Variants in PTPRD observed in about 807,000 individuals in gnomAD.
PTPRD encodes receptor-type tyrosine-protein phosphatase delta.
Under a neutral mutation model 214.5 loss-of-function variants are expected in PTPRD, and 34 were observed. That is an observed-to-expected ratio of 0.16 (90% confidence interval 0.12 to 0.21). PTPRD has a LOEUF of 0.21. PTPRD is among the 10% of genes least tolerant of loss of function. PTPRD has a pLI of 1.00. For missense variants in PTPRD, 2,545 were observed against 2,398.7 expected (o/e 1.06, Z -1.27); for synonymous variants, 1,128 against 845.7 (o/e 1.33, Z -5.79).
chr9:8,507,557 C>A, intron 21 of PTPRD, 123 bp from the exon 22 acceptor site: 7 of 1,186,470 alleles, frequency 5.9e-6, no homozygotes, highest in Non-Finnish European at 7.2e-6. Flanking sequence ...TAGTGGAAAA[C>A]AAGCTCCTTT....
intron 11 of PTPRD, among the ~76,000 whole-genome samples, chr9:8,933,363 T>TC (rs2098967754): frequency 6.8e-6 from 1 of 147,316 alleles, no homozygotes; most frequent in African/African-American, 2.5e-5. Context: ...TTTTTTTTTT[T>TC]ACATAAAAGG....
intron 14 of PTPRD, among the ~76,000 whole-genome samples, chr9:8,546,681 G>A (rs1053792325): frequency 6.6e-6 from 1 of 151,946 alleles, no homozygotes; most frequent in Non-Finnish European, 1.5e-5. Context: ...TGTATTTTTA[G>A]TAGAGATGGG....
intron 2 of PTPRD, among the ~76,000 whole-genome samples, chr9:10,368,571 A>G (rs1035874148): frequency 6.6e-6 from 1 of 152,136 alleles, no homozygotes; most frequent in East Asian, 1.9e-4. Flanking sequence ...AATGCAGGAT[A>G]CAGAAATATT....
At chr9:8,765,899 T>C (rs76110655) in intron 11 of PTPRD, among the ~76,000 whole-genome samples, 169 of 152,262 alleles carry the variant, frequency 1.1e-3, no homozygotes, top group African/African-American at 3.8e-3. Flanking sequence ...CATTTCTTCA[T>C]CTATACAACA....
intron 9 of PTPRD, among the ~76,000 whole-genome samples, chr9:9,360,257 A>C (rs927866389): frequency 2.3e-5 from 2 of 88,538 alleles, no homozygotes; most frequent in Non-Finnish European, 2.0e-5. Flanking sequence ...ATAGATGGGA[A>C]AAAAAAAAAG....
intron 8 of PTPRD, among the ~76,000 whole-genome samples, chr9:9,559,068 G>A (rs914716352): frequency 2.6e-5 from 4 of 152,288 alleles, no homozygotes; most frequent in Non-Finnish European, 4.4e-5. Context: ...CACCCATCCC[G>A]TTATTGGGTA....
intron 12 of PTPRD, among the ~76,000 whole-genome samples, chr9:8,707,333 AATTGAATT>A (rs1187806186): frequency 6.6e-6 from 1 of 152,224 alleles, no homozygotes; most frequent in Admixed American, 6.5e-5. Context: ...GCAGATCTTA[AATTGAATT>A]ATGTCTCTCA....
At chr9:9,957,711 G>C (rs79223492) in intron 4 of PTPRD, among the ~76,000 whole-genome samples, 2,694 of 151,998 alleles carry the variant, frequency 0.018, 72 homozygotes, top group African/African-American at 0.062. Flanking sequence ...TATATGAAGA[G>C]GCAAAAGACC....
At chr9:9,256,731 G>A (rs1368747045) in intron 9 of PTPRD, among the ~76,000 whole-genome samples, 1 of 151,850 alleles carries the variant, frequency 6.6e-6, no homozygotes, top group Non-Finnish European at 1.5e-5. Flanking sequence ...TTCCAAAATG[G>A]ATAGAAATGA....
At chr9:8,714,622 T>C (rs371349324) in intron 12 of PTPRD, among the ~76,000 whole-genome samples, 4 of 152,206 alleles carry the variant, frequency 2.6e-5, no homozygotes, top group Non-Finnish European at 1.5e-5. Flanking sequence ...GGTCCTGCCC[T>C]AGGGTCTTTG....
At chr9:10,055,955 A>T (rs2097635231) in intron 3 of PTPRD, among the ~76,000 whole-genome samples, 1 of 149,992 alleles carries the variant, frequency 6.7e-6, no homozygotes, top group African/African-American at 2.5e-5. Context: ...GAGAAATAAG[A>T]TAAAGTAGCA....
intron 10 of PTPRD, among the ~76,000 whole-genome samples, chr9:9,114,680 C>G (rs2099810551): frequency 6.6e-6 from 1 of 151,994 alleles, no homozygotes; most frequent in Non-Finnish European, 1.5e-5. Context: ...ACTCCCTGAA[C>G]AAAAATTTTA....
chr9:9,243,306 C>G (rs567428991), intron 9 of PTPRD, among the ~76,000 whole-genome samples: 1 of 152,050 alleles, frequency 6.6e-6, no homozygotes, highest in Non-Finnish European at 1.5e-5. Context: ...CAGCATCATC[C>G]CGATACCAAA....
At chr9:8,615,896 T>C (rs1439667695) in intron 14 of PTPRD, among the ~76,000 whole-genome samples, 2 of 152,110 alleles carry the variant, frequency 1.3e-5, no homozygotes, top group Non-Finnish European at 2.9e-5. Flanking sequence ...CAATGAAATA[T>C]CAATATATGT....
chr9:10,402,593 A>G (rs2098287519), intron 2 of PTPRD, among the ~76,000 whole-genome samples: 1 of 151,770 alleles, frequency 6.6e-6, no homozygotes, highest in African/African-American at 2.4e-5. Flanking sequence ...AATGTTGTAA[A>G]TTATGTTATC....
intron 2 of PTPRD, among the ~76,000 whole-genome samples, chr9:10,403,064 C>A (rs1382861278): frequency 6.6e-6 from 1 of 150,948 alleles, no homozygotes; most frequent in Non-Finnish European, 1.5e-5. Flanking sequence ...AGTTTCAGTC[C>A]AGCCATACCA....
chr9:8,509,005 TTCTC>T (rs1324566780), intron 21 of PTPRD, among the ~76,000 whole-genome samples: 1 of 151,906 alleles, frequency 6.6e-6, no homozygotes, highest in Non-Finnish European at 1.5e-5. Flanking sequence ...TCATCATCTT[TTCTC>T]TCTCTCTTTT....
intron 3 of PTPRD, among the ~76,000 whole-genome samples, chr9:10,252,234 G>A (rs2092840377): frequency 6.6e-6 from 1 of 152,108 alleles, no homozygotes; most frequent in Non-Finnish European, 1.5e-5. Context: ...ACAGCACGAT[G>A]GACATGAAAT....
chr9:10,166,399 A>G (rs927806788), intron 3 of PTPRD, among the ~76,000 whole-genome samples: 1 of 151,780 alleles, frequency 6.6e-6, no homozygotes, highest in African/African-American at 2.4e-5. Context: ...TTTACTTAAA[A>G]CATCATTTTC....
Sources: allele counts gnomAD v4.1 joint callset (sites outside exome capture counted in the v4.1 genomes callset), GRCh38; gene constraint gnomAD v4.1.1; transcripts MANE v1.5; gene names NCBI Gene and HGNC (gene_info 2026-07-23, HGNC 2026-07-21).